The following ATP2B2 variants were observed in gnomAD, a reference collection of about 807,000 sequenced individuals.
The protein encoded by ATP2B2 is ATPase plasma membrane Ca2+ transporting 2.
A neutral mutation model predicts 120.0 loss-of-function variants in ATP2B2; 15 were observed. That is an observed-to-expected ratio of 0.12 (90% confidence interval 0.08 to 0.19). The LOEUF (loss-of-function observed/expected upper bound fraction) is 0.19, where lower values mean the gene tolerates loss of function less well. Among genes scored for constraint, ATP2B2 ranks in the 10% least tolerant of loss-of-function variants. The pLI, the probability that ATP2B2 is intolerant of heterozygous loss-of-function variation, is 1.00. For missense variants in ATP2B2, 1,045 were observed against 1,719.8 expected (o/e 0.61, Z 6.94); for synonymous variants, 694 against 700.3 (o/e 0.99, Z 0.14).
chr3:10,356,326 T>C (rs1017099459), intron 14 of ATP2B2, among the ~76,000 whole-genome samples: 2 of 152,096 alleles, frequency 1.3e-5, no homozygotes, highest in Admixed American at 6.6e-5. Flanking sequence ...TGCGGGAAGG[T>C]GTTTGGACTA....
intron 2 of ATP2B2, among the ~76,000 whole-genome samples, chr3:10,556,769 TTC>T (rs1382314230): frequency 6.6e-6 from 1 of 152,254 alleles, no homozygotes; most frequent in Non-Finnish European, 1.5e-5. Flanking sequence ...TATTTATGTA[TTC>T]TTTCTTATTT....
At chr3:10,608,276 C>T (rs73033894) in intron 2 of ATP2B2, among the ~76,000 whole-genome samples, 7,962 of 152,308 alleles carry the variant, frequency 0.052, 393 homozygotes, top group East Asian at 0.26. Context: ...GTCTGCAGTG[C>T]CACTGGGCAT....
In ATP2B2 at chr3:10,684,012, G is replaced by A. The variant is rs1188338702; in HGVS notation, c.-460+23903C>T. 3.3e-5 allele frequency among the ~76,000 whole-genome samples: 5 copies of A among 151,944 alleles called. No homozygotes were observed. In the South Asian group the frequency reaches 8.3e-4, roughly 25 times the overall value. On this transcript the variant is annotated intron_variant, in intron 1 of 21. Transcript: ENST00000646379. ...CAGAAACCTCATCTACCCTTGTAGT[G>A]AGCAGCTCCATTGGAGAATTGTCCC...
rs1381867127 is a variant in ATP2B2, at chr3:10,346,170, C to T, written c.2405-33G>A. The T allele has an allele frequency of 8.1e-6, 13 of 1,602,028 alleles. No homozygotes were observed. Among genetic ancestry groups the T allele is most frequent in the South Asian group, 5.5e-5 (5 of 90,920 alleles). On this transcript the variant is annotated intron_variant, in intron 16 of 22. Coordinates refer to ENST00000360273, the MANE Select transcript of ATP2B2 (RefSeq NM_001001331.4). The surrounding 1 kb of genome is among the most constrained non-coding windows in gnomAD (Gnocchi z 4.1). ...GGCAGGAGTGTGCTCAGGCCCTGGG[C>T]CACTCAGGTGGGAGGCAGCCTGGGC...
intron 1 of ATP2B2, among the ~76,000 whole-genome samples, chr3:10,707,075 C>G (rs1247099969): frequency 1.3e-5 from 2 of 152,208 alleles, no homozygotes; most frequent in Non-Finnish European, 2.9e-5. Flanking sequence ...GGAGGGGTGG[C>G]CAGGCCCTGG....
chr3:10,418,225 G>A (rs77895813), intron 2 of ATP2B2, among the ~76,000 whole-genome samples: 1,980 of 152,216 alleles, frequency 0.013, 49 homozygotes, highest in African/African-American at 0.041. Context: ...TCTTTGTCTG[G>A]ATTTCCTAAC....
chr3:10,494,785 T>C (rs1167248223), intron 1 of ATP2B2, among the ~76,000 whole-genome samples: 4 of 152,180 alleles, frequency 2.6e-5, no homozygotes, highest in African/African-American at 9.7e-5. Flanking sequence ...CCTGGGGTGA[T>C]AATCACCACC....
At chr3:10,685,541 T>C (rs1054152570) in intron 1 of ATP2B2, among the ~76,000 whole-genome samples, 8 of 152,150 alleles carry the variant, frequency 5.3e-5, no homozygotes, top group Non-Finnish European at 1.2e-4. Flanking sequence ...TGTGTGTGTG[T>C]GCACGTATAC....
intron 1 of ATP2B2, among the ~76,000 whole-genome samples, chr3:10,682,341 GCACAAATCACAGCA>G (rs1374903315): frequency 5.9e-5 from 9 of 152,296 alleles, no homozygotes; most frequent in Non-Finnish European, 7.3e-5. Flanking sequence ...GAGAAAGGAA[GCACAAATCACAGCA>G]CTGTGGTCTC....
intron 1 of ATP2B2, among the ~76,000 whole-genome samples, chr3:10,499,661 G>T (rs1187579613): frequency 6.6e-6 from 1 of 152,112 alleles, no homozygotes; most frequent in Non-Finnish European, 1.5e-5. Flanking sequence ...GCCACATGTT[G>T]GTCTCCTGGG....
intron 2 of ATP2B2, among the ~76,000 whole-genome samples, chr3:10,616,636 A>G (rs1320205858): frequency 1.3e-5 from 2 of 152,212 alleles, no homozygotes; most frequent in East Asian, 3.8e-4. Context: ...TTTAGAATGA[A>G]AAGTGCCAAC....
At chr3:10,549,600 T>C (rs894211290) in intron 2 of ATP2B2, among the ~76,000 whole-genome samples, 10 of 152,352 alleles carry the variant, frequency 6.6e-5, no homozygotes, top group South Asian at 2.1e-4. Context: ...TAAATCCGAA[T>C]TGCAAAGAAG....
At chr3:10,516,697 C>A (rs1343109847) in intron 3 of ATP2B2, among the ~76,000 whole-genome samples, 1 of 152,232 alleles carries the variant, frequency 6.6e-6, no homozygotes, top group Non-Finnish European at 1.5e-5. Context: ...GGACAAGTTA[C>A]TCAACTTTTC....
intron 12 of ATP2B2, 87 bp from the exon 13 acceptor site, chr3:10,360,210 C>A (rs1303357646): frequency 1.3e-6 from 2 of 1,499,930 alleles, no homozygotes; most frequent in Admixed American, 2.1e-5. Context: ...TCTGGGACTG[C>A]CACTTAGGTG....
chr3:10,480,807 C>T (rs895377075), intron 1 of ATP2B2, among the ~76,000 whole-genome samples: 1 of 152,360 alleles, frequency 6.6e-6, no homozygotes. Flanking sequence ...ACATGGCAAC[C>T]AGAATGATCT....
chr3:10,421,000 G>A (rs183122961), intron 2 of ATP2B2, among the ~76,000 whole-genome samples: 83 of 152,316 alleles, frequency 5.4e-4, no homozygotes, highest in Admixed American at 4.4e-3. Context: ...TCCCTGGAGC[G>A]GCGGCTTCAG....
At chr3:10,563,243 G>C (rs1251312929) in intron 2 of ATP2B2, among the ~76,000 whole-genome samples, 3 of 152,232 alleles carry the variant, frequency 2.0e-5, no homozygotes, top group Non-Finnish European at 2.9e-5. Flanking sequence ...TACAGATGAG[G>C]AAACTGAAGC....
chr3:10,591,985 G>A (rs910030329), intron 2 of ATP2B2, among the ~76,000 whole-genome samples: 1 of 152,194 alleles, frequency 6.6e-6, no homozygotes, highest in African/African-American at 2.4e-5. Context: ...TGCATGCAGA[G>A]GCCAAATTTG....
At chr3:10,510,601 G>A (rs990998302) in intron 3 of ATP2B2, among the ~76,000 whole-genome samples, 1 of 152,250 alleles carries the variant, frequency 6.6e-6, no homozygotes, top group African/African-American at 2.4e-5. Flanking sequence ...TGGGGCAGGT[G>A]AGTGGTGATG....
Sources: allele counts gnomAD v4.1 joint callset (sites outside exome capture counted in the v4.1 genomes callset), GRCh38; gene constraint gnomAD v4.1.1; non-coding constraint Gnocchi (gnomAD v3.1); transcripts MANE v1.5; gene names NCBI Gene and HGNC (gene_info 2026-07-23, HGNC 2026-07-21).